The following CD80 variants were observed in gnomAD, a reference collection of about 807,000 sequenced individuals.
The protein encoded by CD80 is T-lymphocyte activation antigen CD80.
CD80 carries 13 observed loss-of-function variants against 27.1 expected under a neutral mutation model. The ratio of observed to expected loss-of-function variants is 0.48; its 90% CI spans 0.31 to 0.76. CD80 has a LOEUF of 0.76. Among genes scored for constraint, CD80 ranks in the 30% least tolerant of loss-of-function variants. The pLI is 0.04. For synonymous variants in CD80, 125 were observed against 125.5 expected (o/e 1.00, Z 0.03); for missense variants, 277 against 347.9 (o/e 0.80, Z 1.62).
chr3:119,550,095 TA>T (rs2082223376), intron 2 of CD80, among the ~76,000 whole-genome samples: 1 of 152,192 alleles, frequency 6.6e-6, no homozygotes, highest in South Asian at 2.1e-4. Context: ...AGGTCTTCTG[TA>T]AGAGTTTCCA....
At chr3:119,532,102 T>C (rs2082114585) in intron 4 of CD80, among the ~76,000 whole-genome samples, 1 of 152,232 alleles carries the variant, frequency 6.6e-6, no homozygotes, top group Non-Finnish European at 1.5e-5. Flanking sequence ...TTTCTTCCTC[T>C]TCTTGTCCTC....
chr3:119,541,688 G>GAC (rs1198531721), intron 3 of CD80, among the ~76,000 whole-genome samples: 2 of 152,194 alleles, frequency 1.3e-5, no homozygotes, highest in African/African-American at 4.8e-5. Context: ...ACCCTCAAAT[G>GAC]ACTCATAGGC....
intron 2 of CD80, among the ~76,000 whole-genome samples, chr3:119,554,569 C>T (rs1216793814): frequency 1.3e-5 from 2 of 152,178 alleles, no homozygotes; most frequent in Admixed American, 6.5e-5. Context: ...TGGCTGGTTC[C>T]ACCCTGTGCA....
intron 2 of CD80, among the ~76,000 whole-genome samples, chr3:119,553,379 A>G (rs2082244819): frequency 6.6e-6 from 1 of 152,094 alleles, no homozygotes; most frequent in Non-Finnish European, 1.5e-5. Flanking sequence ...ACCTCAGGTG[A>G]TCCACCCATC....
rs1472041214 is a variant in CD80, at chr3:119,557,622, T to G, written c.100+7A>C. 2 of 1,608,178 alleles carry G rather than the reference T, an allele frequency of 1.2e-6. No individual in the cohort carries two copies. The highest frequency in any genetic ancestry group is 2.2e-5 in the East Asian group (1 of 44,776). On this transcript the variant is annotated splice_region_variant and intron_variant, in intron 2 of 6. Coordinates refer to ENST00000264246, the MANE Select transcript of CD80 (RefSeq NM_005191.4). ...TTGACTCAGTTAAGTTCCTGAAAGTTGCTTACCTGAACAGAAGTGAGAAAG... is the reference window on the plus strand; with the variant it reads ...TTGACTCAGTTAAGTTCCTGAAAGTGGCTTACCTGAACAGAAGTGAGAAAG...
intron 5 of CD80, 96 bp from the exon 6 acceptor site, chr3:119,527,937 T>C: frequency 9.5e-7 from 1 of 1,055,630 alleles, no homozygotes; most frequent in East Asian, 2.4e-5. Flanking sequence ...TCAGACTGGC[T>C]TAGAACTGGA....
chr3:119,558,634 G>T (rs1426436778), intron 1 of CD80, among the ~76,000 whole-genome samples: 1 of 151,920 alleles, frequency 6.6e-6, no homozygotes, highest in Non-Finnish European at 1.5e-5. Context: ...GTGGTGGTGG[G>T]TGCCTGTAAT....
chr3:119,540,200 C>T (rs753056072), intron 3 of CD80, among the ~76,000 whole-genome samples: 71 of 152,318 alleles, frequency 4.7e-4, no homozygotes, highest in Admixed American at 3.3e-3. Context: ...CCACCAGCCT[C>T]GGCCTCCCAA....
intron 1 of CD80, among the ~76,000 whole-genome samples, 155 bp downstream of exon 1, chr3:119,559,285 C>A (rs181998880): frequency 1.2e-3 from 176 of 152,264 alleles, no homozygotes; most frequent in Admixed American, 2.6e-3. Flanking sequence ...GAAGCCACAG[C>A]CTCCTGTGGG....
intron 2 of CD80, among the ~76,000 whole-genome samples, chr3:119,547,231 C>A (rs1211537698): frequency 6.6e-6 from 1 of 152,148 alleles, no homozygotes; most frequent in Non-Finnish European, 1.5e-5. Flanking sequence ...TTCTCTGAAC[C>A]CCAGTCTTCA....
chr3:119,537,858 T>A (rs139469157), intron 3 of CD80, among the ~76,000 whole-genome samples: 30 of 152,328 alleles, frequency 2.0e-4, no homozygotes, highest in Non-Finnish European at 4.0e-4. Flanking sequence ...CAACTTCCCA[T>A]TACTCATTAA....
At chr3:119,552,373 G>A (rs1016208871) in intron 2 of CD80, among the ~76,000 whole-genome samples, 1 of 151,924 alleles carries the variant, frequency 6.6e-6, no homozygotes, top group Admixed American at 6.6e-5. Flanking sequence ...TTTTTGTGTG[G>A]AGGACTTTTA....
At chr3:119,538,784 CAT>C in intron 3 of CD80, among the ~76,000 whole-genome samples, 1 of 152,108 alleles carries the variant, frequency 6.6e-6, no homozygotes, top group Non-Finnish European at 1.5e-5. Context: ...AGAGAGAAAA[CAT>C]AAATCTGGTC....
intron 3 of CD80, among the ~76,000 whole-genome samples, chr3:119,543,166 C>T (rs2082179885): frequency 6.6e-6 from 1 of 152,242 alleles, no homozygotes; most frequent in South Asian, 2.1e-4. Context: ...GTCTCCCGCA[C>T]AGCCAGTTGT....
At chr3:119,549,720 A>G (rs2082221264) in intron 2 of CD80, among the ~76,000 whole-genome samples, 1 of 152,242 alleles carries the variant, frequency 6.6e-6, no homozygotes, top group Non-Finnish European at 1.5e-5. Flanking sequence ...GAGGTAATGC[A>G]GAAAGGTCCA....
intron 3 of CD80, among the ~76,000 whole-genome samples, chr3:119,538,015 A>G (rs34568769): frequency 0.088 from 13,356 of 152,234 alleles, 764 homozygotes; most frequent in Non-Finnish European, 0.12. Context: ...TGCAATTGTA[A>G]GAGATGAAGA....
At chr3:119,554,586 A>C (rs2082252288) in intron 2 of CD80, among the ~76,000 whole-genome samples, 2 of 152,152 alleles carry the variant, frequency 1.3e-5, no homozygotes, top group Admixed American at 1.3e-4. Context: ...TGCATGAAAG[A>C]GGAGTCCCTT....
chr3:119,555,575 C>T (rs915577634), intron 2 of CD80, among the ~76,000 whole-genome samples: 5 of 152,220 alleles, frequency 3.3e-5, no homozygotes, highest in African/African-American at 9.6e-5. Flanking sequence ...CTCACTGGGC[C>T]AGTCCCTCCT....
chr3:119,539,233 G>A (rs1295017146), intron 3 of CD80, among the ~76,000 whole-genome samples: 2 of 152,104 alleles, frequency 1.3e-5, no homozygotes, highest in African/African-American at 4.8e-5. Flanking sequence ...ATAGAAAGCT[G>A]TATAGACTGA....
Sources: gnomAD v4.1 joint callset for allele counts (sites outside exome capture counted in the v4.1 genomes callset) on GRCh38, gnomAD v4.1.1 for gene constraint, MANE v1.5 for transcripts, NCBI Gene and HGNC (gene_info 2026-07-23, HGNC 2026-07-21) for gene names.